Variants in NKAIN2 observed in about 807,000 individuals in gnomAD.
The protein encoded by NKAIN2 is sodium/potassium-transporting ATPase subunit beta-1-interacting protein 2.
In NKAIN2, 14 loss-of-function variants were observed where a neutral mutation model predicts 32.6. The ratio of observed to expected loss-of-function variants is 0.43; its 90% confidence interval spans 0.28 to 0.67. The LOEUF (loss-of-function observed/expected upper bound fraction) is 0.67, where lower values mean the gene tolerates loss of function less well. NKAIN2 is among the 30% of genes least tolerant of loss of function. The pLI is 0.17. For synonymous variants in NKAIN2, 80 were observed against 87.2 expected (o/e 0.92, Z 0.46); for missense variants, 198 against 258.3 (o/e 0.77, Z 1.60).
chr6:123,865,128 G>A (rs1396014619), intron 1 of NKAIN2, among the ~76,000 whole-genome samples: 1 of 151,998 alleles, frequency 6.6e-6, no homozygotes, highest in African/African-American at 2.4e-5. Context: ...TTGTCAATAG[G>A]TCTAACACAG....
chr6:124,333,611 G>T (rs1359900416), intron 2 of NKAIN2, among the ~76,000 whole-genome samples: 1 of 151,994 alleles, frequency 6.6e-6, no homozygotes, highest in Non-Finnish European at 1.5e-5. Context: ...AGTGAGCTGA[G>T]ATCACACCAC....
At chr6:124,642,750 T>C (rs893240330) in intron 3 of NKAIN2, among the ~76,000 whole-genome samples, 7 of 152,184 alleles carry the variant, frequency 4.6e-5, no homozygotes, top group African/African-American at 2.4e-5. Flanking sequence ...TTAATGTAAA[T>C]ATTGATACTT....
At chr6:124,713,219 C>A (rs1289094838) in intron 4 of NKAIN2, among the ~76,000 whole-genome samples, 1 of 152,090 alleles carries the variant, frequency 6.6e-6, no homozygotes. Context: ...TAAGACTCAA[C>A]AAGATTAAAT....
intron 3 of NKAIN2, among the ~76,000 whole-genome samples, chr6:124,371,889 G>A (rs1799785429): frequency 6.6e-6 from 1 of 151,956 alleles, no homozygotes; most frequent in East Asian, 1.9e-4. Context: ...ATTCTGTCGA[G>A]TATTGCATAA....
intron 1 of NKAIN2, among the ~76,000 whole-genome samples, chr6:123,995,030 T>C (rs1354061068): frequency 2.6e-5 from 4 of 152,188 alleles, no homozygotes; most frequent in Non-Finnish European, 5.9e-5. Context: ...TTTAGCTCTC[T>C]AAAGGAAAAG....
intron 3 of NKAIN2, among the ~76,000 whole-genome samples, chr6:124,452,729 G>A (rs964502159): frequency 6.6e-6 from 1 of 152,106 alleles, no homozygotes; most frequent in African/African-American, 2.4e-5. Flanking sequence ...ATAAAGCTAT[G>A]CTAGGATTAA....
At chr6:124,067,871 A>G (rs1165831298) in intron 1 of NKAIN2, among the ~76,000 whole-genome samples, 2 of 152,224 alleles carry the variant, frequency 1.3e-5, no homozygotes, top group Non-Finnish European at 2.9e-5. Flanking sequence ...TATGGCAGGC[A>G]TGTGCATGTA....
chr6:124,514,529 C>T (rs1192339735), intron 3 of NKAIN2, among the ~76,000 whole-genome samples: 1 of 152,130 alleles, frequency 6.6e-6, no homozygotes, highest in African/African-American at 2.4e-5. Flanking sequence ...TCAATAAGTT[C>T]TTCATGTGAT....
At chr6:124,606,757 A>G (rs1276311668) in intron 3 of NKAIN2, among the ~76,000 whole-genome samples, 1 of 152,152 alleles carries the variant, frequency 6.6e-6, no homozygotes, top group Non-Finnish European at 1.5e-5. Flanking sequence ...TAGCATCTAT[A>G]CTGATGCATC....
chr6:123,989,103 A>C (rs1397199), intron 1 of NKAIN2, among the ~76,000 whole-genome samples: 110,531 of 152,006 alleles, frequency 0.73, 40,809 homozygotes, highest in East Asian at 0.86. Context: ...CTGGAGCGTG[A>C]ATATCCCTGG....
At chr6:124,255,777 A>C (rs1183878137) in intron 1 of NKAIN2, among the ~76,000 whole-genome samples, 1 of 152,342 alleles carries the variant, frequency 6.6e-6, no homozygotes, top group African/African-American at 2.4e-5. Flanking sequence ...CACCCCAGTC[A>C]TAACCAGTTA....
chr6:123,947,307 A>C (rs1272944399), intron 1 of NKAIN2, among the ~76,000 whole-genome samples: 1 of 152,180 alleles, frequency 6.6e-6, no homozygotes, highest in African/African-American at 2.4e-5. Context: ...TAACCTGAAC[A>C]TATGTTTCCT....
chr6:124,626,407 CAAG>C lies in NKAIN2; in HGVS notation c.274-31775_274-31773del, dbSNP rs918217406. ...TCACAGAGACATGATATAATCGTAACAAGAAGCAGGTCCTGTGATACCTAAACT... is the reference window on the plus strand; with the variant it reads ...TCACAGAGACATGATATAATCGTAACAAGCAGGTCCTGTGATACCTAAACT... On this transcript the variant is annotated intron_variant, in intron 3 of 6. Transcript: ENST00000368417. Among the ~76,000 whole-genome samples, 252 of 150,814 alleles carry C rather than the reference CAAG, an allele frequency of 1.7e-3. 2 individuals carry two copies. The highest frequency in any genetic ancestry group is 6.0e-3 in the African/African-American group (249 of 41,318).
chr6:124,537,051 A>G (rs1334837961), intron 3 of NKAIN2, among the ~76,000 whole-genome samples: 1 of 152,176 alleles, frequency 6.6e-6, no homozygotes, highest in African/African-American at 2.4e-5. Flanking sequence ...GAAGGGAAGA[A>G]GCAGTTCCTA....
In NKAIN2 at chr6:124,284,304, A is replaced by G. The variant is rs1354834336; in HGVS notation, c.192+1162A>G. Among the ~76,000 whole-genome samples the G allele has an allele frequency of 5.3e-5, 8 of 152,118 alleles. No homozygotes were observed. In the South Asian group the frequency reaches 1.2e-3, roughly 24 times the overall value. ...TGATACAGTGTAGGGCGGGTTGTAC[A>G]GTGGTTGAGAGTGAGTCCTCTGAAG... On this transcript the variant is annotated intron_variant, in intron 2 of 6. Transcript: ENST00000368417.
chr6:124,314,112 G>T (rs1308344811), intron 2 of NKAIN2, among the ~76,000 whole-genome samples: 1 of 152,026 alleles, frequency 6.6e-6, no homozygotes, highest in African/African-American at 2.4e-5. Flanking sequence ...CGGGTGGATT[G>T]GCTGCCAGAG....
intron 1 of NKAIN2, among the ~76,000 whole-genome samples, chr6:124,215,184 T>G (rs1791402511): frequency 6.6e-6 from 1 of 152,134 alleles, no homozygotes; most frequent in African/African-American, 2.4e-5. Flanking sequence ...TATTTGGCCA[T>G]TTATATTTTA....
At chr6:124,358,839 T>A (rs1487335037) in intron 3 of NKAIN2, among the ~76,000 whole-genome samples, 18 of 151,442 alleles carry the variant, frequency 1.2e-4, no homozygotes, top group African/African-American at 4.1e-4. Context: ...AGACATGAAG[T>A]CCTTGCCCAT....
chr6:124,728,012 C>A (rs1437920677), intron 4 of NKAIN2, among the ~76,000 whole-genome samples: 1 of 151,518 alleles, frequency 6.6e-6, no homozygotes, highest in East Asian at 1.9e-4. Flanking sequence ...AGCTAACTAT[C>A]CTAAATATAT....
Sources: allele counts gnomAD v4.1 joint callset (sites outside exome capture counted in the v4.1 genomes callset), GRCh38; gene constraint gnomAD v4.1.1; transcripts MANE v1.5; gene names NCBI Gene and HGNC (gene_info 2026-07-23, HGNC 2026-07-21).